The following WWOX variants were observed in gnomAD, a reference collection of about 807,000 sequenced individuals.
WWOX encodes WW domain containing oxidoreductase.
A neutral mutation model predicts 46.2 loss-of-function variants in WWOX; 69 were observed. That is an observed-to-expected ratio of 1.49 (90% CI 1.23 to 1.82). The LOEUF (loss-of-function observed/expected upper bound fraction) is 1.82. Among genes scored for constraint, WWOX ranks in the 40% most tolerant of loss-of-function variants. The pLI, the probability that WWOX is intolerant of heterozygous loss-of-function variation, is 0.00. For synonymous variants in WWOX, 359 were observed against 202.6 expected, an observed-to-expected ratio of 1.77 and a Z score of -6.56; for missense variants, 919 against 542.6, an observed-to-expected ratio of 1.69 and a Z score of -6.89.
At chr16:78,632,242 C>A (rs1036482347) in intron 8 of WWOX, among the ~76,000 whole-genome samples, 1 of 152,108 alleles carries the variant, frequency 6.6e-6, no homozygotes, top group African/African-American at 2.4e-5. Context: ...GGGGTTAATA[C>A]TACTAGTATT....
chr16:78,524,628 C>G (rs1448520773), intron 8 of WWOX, among the ~76,000 whole-genome samples: 1 of 151,722 alleles, frequency 6.6e-6, no homozygotes, highest in Non-Finnish European at 1.5e-5. Flanking sequence ...ACCATGTTGG[C>G]CAAACTGGTC....
intron 6 of WWOX, among the ~76,000 whole-genome samples, chr16:78,415,588 T>C (rs1471645705): frequency 6.6e-6 from 1 of 152,070 alleles, no homozygotes; most frequent in East Asian, 1.9e-4. Context: ...ATGGAGTCTG[T>C]TAGGTTAGTT....
At chr16:78,122,564 G>C (rs17649341) in intron 4 of WWOX, among the ~76,000 whole-genome samples, 18,865 of 151,728 alleles carry the variant, frequency 0.12, 1,422 homozygotes, top group African/African-American at 0.2. Flanking sequence ...TCATAGAGTG[G>C]CACAATAAAA....
intron 8 of WWOX, among the ~76,000 whole-genome samples, chr16:79,193,036 G>C (rs1215565911): frequency 6.6e-6 from 1 of 152,222 alleles, no homozygotes; most frequent in Non-Finnish European, 1.5e-5. Context: ...GTCCATGGCT[G>C]TGAACTGCCA....
At chr16:78,216,470 T>C (rs2036725279) in intron 5 of WWOX, among the ~76,000 whole-genome samples, 1 of 152,168 alleles carries the variant, frequency 6.6e-6, no homozygotes, top group Non-Finnish European at 1.5e-5. Context: ...GGGTTCTCCT[T>C]GGGCTAAAAT....
intron 8 of WWOX, among the ~76,000 whole-genome samples, chr16:78,632,535 T>C (rs956324781): frequency 7.0e-6 from 1 of 142,350 alleles, no homozygotes; most frequent in Non-Finnish European, 1.5e-5. Context: ...ACAGACACTC[T>C]CTTCCCCCAC....
chr16:78,280,822 T>G (rs2079664531), intron 5 of WWOX: 1 of 152,264 alleles, frequency 6.6e-6, no homozygotes. Context: ...AAACAGTTCT[T>G]GGAAATATTT....
chr16:78,142,771 T>G (rs910137792), intron 4 of WWOX, among the ~76,000 whole-genome samples: 3 of 151,810 alleles, frequency 2.0e-5, no homozygotes, highest in Non-Finnish European at 2.9e-5. Context: ...GATGTTCAAA[T>G]TTCCACTTAT....
chr16:78,283,598 T>G (rs1348459368), intron 5 of WWOX, among the ~76,000 whole-genome samples: 1 of 152,148 alleles, frequency 6.6e-6, no homozygotes, highest in Admixed American at 6.5e-5. Flanking sequence ...TCACATAGGA[T>G]GAATGTGGCA....
chr16:79,075,589 G>T (rs1379271209), intron 8 of WWOX, among the ~76,000 whole-genome samples: 5 of 149,168 alleles, frequency 3.4e-5, no homozygotes, highest in African/African-American at 1.2e-4. Flanking sequence ...GTCTTGCTCT[G>T]TCACCCAGGC....
rs908870784 is a variant in WWOX, at chr16:78,868,963, A to C, written c.1057-342645A>C. On this transcript the variant is annotated intron_variant, in intron 8 of 8. Coordinates refer to ENST00000566780, the MANE Select transcript of WWOX (RefSeq NM_016373.4). ...CAAACGTCCATACACACCCATGTAC[A>C]CACAGACACACACACACATGCATGC... Among the ~76,000 whole-genome samples, 11 of 152,304 alleles carry C rather than the reference A, an allele frequency of 7.2e-5. 1 individual carries two copies. The highest frequency in any genetic ancestry group is 1.3e-4 in the Admixed American group (2 of 15,294).
chr16:79,125,341 C>T (rs756010647), intron 8 of WWOX, among the ~76,000 whole-genome samples: 1 of 152,150 alleles, frequency 6.6e-6, no homozygotes, highest in African/African-American at 2.4e-5. Context: ...TTCCTAAATG[C>T]TCATAGCGTC....
chr16:78,675,575 C>A (rs1459381642), intron 8 of WWOX, among the ~76,000 whole-genome samples: 1 of 152,126 alleles, frequency 6.6e-6, no homozygotes, highest in South Asian at 2.1e-4. Context: ...TGTGATGGCT[C>A]CACAGAGCAG....
intron 8 of WWOX, among the ~76,000 whole-genome samples, chr16:78,517,100 C>G (rs1055839539): frequency 6.6e-6 from 1 of 152,054 alleles, no homozygotes; most frequent in African/African-American, 2.4e-5. Context: ...TTTATGAAAT[C>G]GGGGCAGCCA....
chr16:78,878,438 G>C (rs949479022), intron 8 of WWOX, among the ~76,000 whole-genome samples: 3 of 152,288 alleles, frequency 2.0e-5, no homozygotes, highest in African/African-American at 7.2e-5. Context: ...TCAGCTAAAT[G>C]AGGATGATTG....
intron 5 of WWOX, among the ~76,000 whole-genome samples, chr16:78,207,963 C>A (rs898262730): frequency 4.6e-5 from 7 of 152,122 alleles, no homozygotes; most frequent in African/African-American, 1.7e-4. Flanking sequence ...CAGGTATTTG[C>A]CACCACGCCC....
chr16:79,180,092 C>T (rs1309602541), intron 8 of WWOX, among the ~76,000 whole-genome samples: 4 of 151,874 alleles, frequency 2.6e-5, no homozygotes, highest in Non-Finnish European at 5.9e-5. Context: ...TTGCCCAGTT[C>T]AACAAGAAAG....
chr16:78,691,921 A>G (rs533015958), intron 8 of WWOX, among the ~76,000 whole-genome samples: 1 of 152,158 alleles, frequency 6.6e-6, no homozygotes, highest in Non-Finnish European at 1.5e-5. Flanking sequence ...AGCCTTTCCC[A>G]TGCTATTCTC....
At chr16:78,324,899 T>TAA (rs1395413388) in intron 5 of WWOX, among the ~76,000 whole-genome samples, 1 of 152,204 alleles carries the variant, frequency 6.6e-6, no homozygotes, top group Non-Finnish European at 1.5e-5. Flanking sequence ...TATACAATTT[T>TAA]AAATGGGTGA....
Sources: gnomAD v4.1 joint callset for allele counts (sites outside exome capture counted in the v4.1 genomes callset) on GRCh38, gnomAD v4.1.1 for gene constraint, MANE v1.5 for transcripts, NCBI Gene and HGNC (gene_info 2026-07-23, HGNC 2026-07-21) for gene names.